The following ELAVL3 variants were observed in gnomAD, a reference collection of about 807,000 sequenced individuals.
The protein encoded by ELAVL3 is ELAV like RNA binding protein 3.
A neutral mutation model predicts 34.2 loss-of-function variants in ELAVL3; 8 were observed. The ratio of observed to expected loss-of-function variants is 0.23; its 90% CI spans 0.14 to 0.42. The LOEUF (loss-of-function observed/expected upper bound fraction) is 0.42, where lower values mean the gene tolerates loss of function less well. Among genes scored for constraint, ELAVL3 ranks in the 10% least tolerant of loss-of-function variants. The pLI is 1.00. For synonymous variants in ELAVL3, 209 were observed against 222.1 expected (o/e 0.94, Z 0.53); for missense variants, 273 against 518.8 (o/e 0.53, Z 4.60).
intron 3 of ELAVL3, among the ~76,000 whole-genome samples, chr19:11,465,308 CACACACAT>C (rs1277451048): frequency 1.4e-5 from 2 of 146,502 alleles, no homozygotes; most frequent in African/African-American, 2.5e-5. Flanking sequence ...ACACACACAC[CACACACAT>C]ACACACATGC....
chr19:11,472,437 A>T (rs890317437), intron 1 of ELAVL3, among the ~76,000 whole-genome samples: 7 of 152,150 alleles, frequency 4.6e-5, no homozygotes, highest in African/African-American at 1.7e-4. Flanking sequence ...GTGCTGGCTC[A>T]TGCCTATAAT....
chr19:11,470,717 A>G (rs1315774567), intron 1 of ELAVL3, among the ~76,000 whole-genome samples: 1 of 152,104 alleles, frequency 6.6e-6, no homozygotes, highest in Admixed American at 6.6e-5. Context: ...GGTATAAGTT[A>G]ACTTTGCTAT....
rs1205875916 is a variant in ELAVL3, at chr19:11,452,851, A to G, written c.*1675T>C. The G allele has an allele frequency of 6.6e-6, 1 of 151,850 alleles. No homozygotes were observed. The highest frequency in any genetic ancestry group is 1.9e-4 in the East Asian group (1 of 5,178). 9.4% of individuals were successfully genotyped at this position (151,850 alleles called of 1,614,324 possible). On this transcript the variant is annotated 3_prime_UTR_variant, in exon 7 of 7. Transcript: ENST00000359227. Reference sequence around the variant, plus strand: ...CTGTTGGAATTTTTTTTTTTTAAAGAAAGAAAACTAGGGCGATGCAATGTC... The same window carrying G: ...CTGTTGGAATTTTTTTTTTTTAAAGGAAGAAAACTAGGGCGATGCAATGTC...
chr19:11,466,234 T>C lies in ELAVL3; in HGVS notation c.271A>G (p.Asn91Asp). The change falls in exon 3 of 7, where the codon AAT becomes GAT. Residue 91 changes from asparagine (N) to aspartate (D), a missense_variant. Asn to Asp is a conservative substitution (Grantham distance 23, BLOSUM62 1). Around this residue, in one of 4 missense-constraint regions of ELAVL3, gnomAD observed 102 missense variants for 250.1 expected, o/e 0.41. Coordinates refer to ENST00000359227, the MANE Select transcript of ELAVL3 (RefSeq NM_001420.4). This position sits in a 1 kb window ranked among gnomAD's most constrained non-coding sequence, Gnocchi z 5.0. The stretch of plus-strand genomic sequence containing the variant: ...GTGTTGATGGCTTTGTCTGCATCAT[T>C]GGGGTCAGAATAGTTCACAAACCCG... Reference protein sequence around the residue: ...GYGFVNYSDPNDADKAINTLN... With the variant: ...GYGFVNYSDPDDADKAINTLN... 1 of 1,613,832 alleles carries C rather than the reference T, an allele frequency of 6.2e-7. No homozygotes were observed. The highest frequency in any genetic ancestry group is 8.5e-7 in the Non-Finnish European group (1 of 1,179,862).
intron 1 of ELAVL3, among the ~76,000 whole-genome samples, chr19:11,470,505 A>G (rs1211921110): frequency 6.8e-6 from 1 of 148,010 alleles, no homozygotes; most frequent in Non-Finnish European, 1.5e-5. Context: ...GTTTGCTACT[A>G]GAAATACAAA....
rs1488113073 is a variant in ELAVL3, at chr19:11,466,759, T to C, written c.78A>G (p.Pro26=). 6.2e-7 allele frequency: 1 copy of C among 1,613,794 alleles called. No individual in the cohort carries two copies. Among genetic ancestry groups the C allele is most frequent in the Non-Finnish European group, 8.5e-7 (1 of 1,179,932 alleles). ...GPAGPALPNG[P]LLGTNGATDD... is the part of the protein sequence containing the mutation. ...CAGTGGCTCCATTTGTACCAAGGAG[T>C]GGCCCGTTGGGCAGGGCCGGGCCGG... is the stretch of plus-strand genomic sequence containing the variant. The change falls in exon 2 of 7, where the codon CCA becomes CCG. Residue 26 remains proline, a synonymous_variant. Coordinates refer to ENST00000359227, the MANE Select transcript of ELAVL3 (RefSeq NM_001420.4). The surrounding 1 kb of genome is among the most constrained non-coding windows in gnomAD (Gnocchi z 5.0).
At chr19:11,457,539 G>A (rs548978675) in intron 5 of ELAVL3, among the ~76,000 whole-genome samples, 3 of 152,336 alleles carry the variant, frequency 2.0e-5, no homozygotes, top group South Asian at 2.1e-4. Flanking sequence ...GGGCCCACAA[G>A]GGGCTTCCAT....
chr19:11,458,924 C>A lies in ELAVL3; in HGVS notation c.334-313G>T, dbSNP rs1195338721. Among the ~76,000 whole-genome samples, 2 of 151,600 alleles carry A rather than the reference C, an allele frequency of 1.3e-5. No individual in the cohort carries two copies. The highest frequency in any genetic ancestry group is 2.9e-5 in the Non-Finnish European group (2 of 67,942). ...AGCCGGCTCACATCACTATCACATGCTTGACAGTCCATCAACAAACATTGA... is the reference window on the plus strand; with the variant it reads ...AGCCGGCTCACATCACTATCACATGATTGACAGTCCATCAACAAACATTGA... On this transcript the variant is annotated intron_variant, in intron 3 of 6. Transcript: ENST00000359227. This position sits in a 1 kb window ranked among gnomAD's most constrained non-coding sequence, Gnocchi z 7.3.
intron 3 of ELAVL3, among the ~76,000 whole-genome samples, chr19:11,464,151 C>CTCTATATA (rs1215435723): frequency 2.0e-4 from 17 of 86,494 alleles, no homozygotes; most frequent in African/African-American, 8.5e-4. Flanking sequence ...CTCTCTCTCT[C>CTCTATATA]TATATATATA....
At position 11,452,004 on chromosome 19, in the gene ELAVL3, G is replaced by A. The variant is rs1970654676; in HGVS notation, c.*2522C>T. ...GTCCCTGCCCTGCTGCAGGGGAGAG[G>A]AGAGAGGGCAGGGAGGACTTAAAAC... is the stretch of plus-strand genomic sequence containing the variant. On this transcript the variant is annotated 3_prime_UTR_variant, in exon 7 of 7. Coordinates refer to ENST00000359227, the MANE Select transcript of ELAVL3 (RefSeq NM_001420.4). 6.6e-6 allele frequency: 1 copy of A among 152,252 alleles called. No homozygotes were observed. The highest frequency in any genetic ancestry group is 1.5e-5 in the Non-Finnish European group (1 of 68,042). The allele number at this position is 152,252 out of a possible 1,614,324, so 9.4% of individuals were successfully genotyped here.
At chr19:11,460,908 C>T (rs1970869038) in intron 3 of ELAVL3, among the ~76,000 whole-genome samples, 2 of 151,184 alleles carry the variant, frequency 1.3e-5, no homozygotes, top group Admixed American at 1.3e-4. Flanking sequence ...TCCCAGTGCT[C>T]TGGAAGTTCA....
At chr19:11,464,092 T>C (rs1184571524) in intron 3 of ELAVL3, among the ~76,000 whole-genome samples, 1 of 146,972 alleles carries the variant, frequency 6.8e-6, no homozygotes, top group Non-Finnish European at 1.5e-5. Flanking sequence ...TCCCTCCCTC[T>C]CTCTCCCTCT....
rs528658221 is a variant in ELAVL3, at chr19:11,454,850, C to T, written c.780G>A (p.Ser260=). 40 of 1,603,672 alleles carry T rather than the reference C, an allele frequency of 2.5e-5. No individual in the cohort carries two copies. In the East Asian group the frequency reaches 5.1e-4, roughly 21 times the overall value. ...CGCTCATACCATCGATGGCGATCGG[C>T]GAGAACCTGGCGATGAGCGACAGGG... is the stretch of plus-strand genomic sequence containing the variant. ...KSPLSLIARF[S]PIAIDGMSGL... The change falls in exon 7 of 7, where the codon TCG becomes TCA. Residue 260 remains serine, a synonymous_variant. Coordinates refer to ENST00000359227, the MANE Select transcript of ELAVL3 (RefSeq NM_001420.4). The surrounding 1 kb of genome is among the most constrained non-coding windows in gnomAD (Gnocchi z 9.2).
chr19:11,469,653 T>C (rs1471568075), intron 1 of ELAVL3, among the ~76,000 whole-genome samples: 1 of 152,254 alleles, frequency 6.6e-6, no homozygotes, highest in Non-Finnish European at 1.5e-5. Flanking sequence ...TGCAGTTTTG[T>C]TTATATACAT....
Position 11,466,866 on chromosome 19 carries a change from C to T in ELAVL3, c.10-39G>A, listed in dbSNP as rs1406714805. The T allele has an allele frequency of 6.5e-7, 1 of 1,538,336 alleles. No individual in the cohort carries two copies. The highest frequency in any genetic ancestry group is 8.8e-7 in the Non-Finnish European group (1 of 1,133,112). ...GTCGCATCCGCTCACCGCCCAGTCC[C>T]CACACCAGGGGCCTGCGGCAATGAG... On this transcript the variant is annotated intron_variant, in intron 1 of 6. Coordinates refer to ENST00000359227, the MANE Select transcript of ELAVL3 (RefSeq NM_001420.4). The surrounding 1 kb of genome is among the most constrained non-coding windows in gnomAD (Gnocchi z 5.0).
chr19:11,469,018 C>T (rs997009192), intron 1 of ELAVL3, among the ~76,000 whole-genome samples: 3 of 152,158 alleles, frequency 2.0e-5, no homozygotes, highest in Admixed American at 6.6e-5. Flanking sequence ...CTTCCAGGCT[C>T]CAGCAATCCT....
chr19:11,464,511 C>A lies in ELAVL3; in HGVS notation c.333+1661G>T, dbSNP rs560987714. Among the ~76,000 whole-genome samples the A allele has an allele frequency of 4.6e-5, 7 of 150,932 alleles. No individual in the cohort carries two copies. In the South Asian group the frequency reaches 1.3e-3, roughly 27 times the overall value. On this transcript the variant is annotated intron_variant, in intron 3 of 6. Coordinates refer to ENST00000359227, the MANE Select transcript of ELAVL3 (RefSeq NM_001420.4). ...CACAACCATTGTGTCACAGCCAGAG[C>A]CACAGTGAGTCACGGGACACCTGGA...
chr19:11,472,613 A>G (rs530642247), intron 1 of ELAVL3, among the ~76,000 whole-genome samples: 1 of 151,728 alleles, frequency 6.6e-6, no homozygotes, highest in Non-Finnish European at 1.5e-5. Context: ...AGACAGGAGG[A>G]TCACTTGAGC....
Position 11,452,460 on chromosome 19 carries a change from G to A in ELAVL3, c.*2066C>T, listed in dbSNP as rs1251248840. 6.6e-6 allele frequency: 1 copy of A among 151,070 alleles called. No homozygotes were observed. The highest frequency in any genetic ancestry group is 1.9e-4 in the East Asian group (1 of 5,174). The allele number at this position is 151,070 out of a possible 1,614,324, so 9.4% of individuals were successfully genotyped here. The stretch of plus-strand genomic sequence containing the variant: ...CAAAAAAGTACAAGAAAGTTAACTG[G>A]TGCCAGTTTATGTCTTTTTTTTTTT... On this transcript the variant is annotated 3_prime_UTR_variant, in exon 7 of 7. Coordinates refer to ENST00000359227, the MANE Select transcript of ELAVL3 (RefSeq NM_001420.4).
Sources: gnomAD v4.1 joint callset for allele counts (sites outside exome capture counted in the v4.1 genomes callset) on GRCh38, gnomAD v4.1.1 for gene constraint, gnomAD v4.1.1 regional missense constraint, Gnocchi (gnomAD v3.1) non-coding constraint, MANE v1.5 for transcripts, NCBI Gene and HGNC (gene_info 2026-07-23, HGNC 2026-07-21) for gene names.